The following STK11 variants were observed in gnomAD, a reference collection of about 807,000 sequenced individuals.
STK11 encodes the protein serine/threonine kinase 11, also known as serine/threonine-protein kinase STK11.
Under a neutral mutation model 47.3 loss-of-function variants are expected in STK11, and 8 were observed. That is an observed-to-expected ratio of 0.17 (90% CI 0.10 to 0.31). The LOEUF (loss-of-function observed/expected upper bound fraction) is 0.31. Among genes scored for constraint, STK11 ranks in the 10% least tolerant of loss-of-function variants. The pLI, the probability that STK11 is intolerant of heterozygous loss-of-function variation, is 1.00. For synonymous variants in STK11, 330 were observed against 255.8 expected (o/e 1.29, Z -2.77); for missense variants, 475 against 605.0 (o/e 0.79, Z 2.25).
chr19:1,221,448 AG>A (rs2080783864), intron 6 of STK11, 108 bp downstream of exon 6: 1 of 1,435,544 alleles, frequency 7.0e-7, no homozygotes, highest in Non-Finnish European at 9.2e-7. Flanking sequence ...AGACCCCAGC[AG>A]GCATTGAGAG....
intron 2 of STK11, among the ~76,000 whole-genome samples, chr19:1,219,041 AGGCACCATCCCCCG>A (rs944737162): frequency 1.3e-5 from 2 of 152,100 alleles, no homozygotes; most frequent in African/African-American, 4.8e-5. Flanking sequence ...GGCGTCCAGG[AGGCACCATCCCCCG>A]CCCATGGGCA....
Position 1,221,161 on chromosome 19 carries a change from G to T in STK11, c.735-52G>T, listed in dbSNP as rs568143257. The T allele has an allele frequency of 5.0e-6, 8 of 1,604,282 alleles. No individual in the cohort carries two copies. The African/African-American group carries it at 9.3e-5, about 19-fold the overall frequency. On this transcript the variant is annotated intron_variant, in intron 5 of 9. Coordinates refer to ENST00000326873, the MANE Select transcript of STK11 (RefSeq NM_000455.5). The stretch of plus-strand genomic sequence containing the variant: ...CTGGGGTAGAGCTGGGGCTCCTAGG[G>T]CGTCAACCACCTTGACTGACCACGC...
chr19:1,216,721 A>G (rs2080747097), intron 1 of STK11, among the ~76,000 whole-genome samples: 1 of 151,858 alleles, frequency 6.6e-6, no homozygotes, highest in Non-Finnish European at 1.5e-5. Flanking sequence ...TACAAAAATT[A>G]GCTGGGCATG....
rs368923696 is a variant in STK11, at chr19:1,218,511, C to A, written c.374+11C>A. ...AGAGAAGCAGAAAATATATCCTTTCCGGTGTTGGGACCGCGGGGCCTCCGT... is the reference window on the plus strand; with the variant it reads ...AGAGAAGCAGAAAATATATCCTTTCAGGTGTTGGGACCGCGGGGCCTCCGT... On this transcript the variant is annotated intron_variant, in intron 2 of 9. Transcript: ENST00000326873. The A allele has an allele frequency of 6.2e-7, 1 of 1,612,476 alleles. No individual in the cohort carries two copies.
At position 1,225,871 on chromosome 19, in the gene STK11, C is replaced by T. The variant is rs953727496; in HGVS notation, c.1109-583C>T. 4 of 987,378 alleles carry T rather than the reference C, an allele frequency of 4.1e-6. No homozygotes were observed. The African/African-American group carries it at 5.2e-5, about 13-fold the overall frequency. The allele number at this position is 987,378 out of a possible 1,614,324, so 61.2% of individuals were successfully genotyped here. ...ATTGTGAGAACAGTGTCCACCTGGG[C>T]AGGGTGGGCAGCCCCAGGCCTGTGG... On this transcript the variant is annotated intron_variant, in intron 8 of 9. Transcript: ENST00000326873.
intron 1 of STK11, among the ~76,000 whole-genome samples, chr19:1,217,091 A>G (rs542194845): frequency 1.3e-5 from 2 of 152,080 alleles, no homozygotes; most frequent in African/African-American, 4.8e-5. Flanking sequence ...ACTGTTCCTC[A>G]GGGTGTGTAC....
intron 3 of STK11, 23 bp downstream of exon 3, chr19:1,219,436 A>G (rs1479730548): frequency 5.8e-6 from 4 of 686,834 alleles, no homozygotes; most frequent in East Asian, 6.2e-5. Flanking sequence ...GGCAGGGGCC[A>G]GGGTGGGGCG....
intron 1 of STK11, chr19:1,216,121 G>T (rs570797422): frequency 6.5e-6 from 1 of 154,464 alleles, no homozygotes; most frequent in Admixed American, 6.5e-5. Flanking sequence ...TTTACATACT[G>T]TACAACTCAT....
Position 1,227,692 on chromosome 19 carries a change from C to G in STK11, c.*116C>G. 8.4e-6 allele frequency: 9 copies of G among 1,069,484 alleles called. No individual in the cohort carries two copies. The highest frequency in any genetic ancestry group is 9.1e-6 in the Non-Finnish European group (8 of 881,848). The allele number at this position is 1,069,484 out of a possible 1,614,324, so 66.2% of individuals were successfully genotyped here. On this transcript the variant is annotated 3_prime_UTR_variant, in exon 10 of 10. Coordinates refer to ENST00000326873, the MANE Select transcript of STK11 (RefSeq NM_000455.5). ...AGAGGTGGCCGCCATGCTTCTGTGC[C>G]GACCACGCCCCAGGACCTCCGGAGC...
intron 2 of STK11, among the ~76,000 whole-genome samples, chr19:1,218,703 CTG>C (rs2080760661): frequency 1.3e-5 from 2 of 152,194 alleles, no homozygotes; most frequent in African/African-American, 2.4e-5. Context: ...GCCCTGGCCC[CTG>C]TGTCTTGGGC....
rs924237120 is a variant in STK11 at position 1,210,730 on chromosome 19, C to T, written c.290+3527C>T. On this transcript the variant is annotated intron_variant, in intron 1 of 9. Coordinates refer to ENST00000326873, the MANE Select transcript of STK11 (RefSeq NM_000455.5). ...ATACAAAATTAGCTGAGTGTGGTGG[C>T]GCACGCCTGTAATCCCAGCTACTCT... Among the ~76,000 whole-genome samples the T allele has an allele frequency of 4.6e-5, 7 of 151,912 alleles. No individual in the cohort carries two copies. In the East Asian group the frequency reaches 7.8e-4, roughly 17 times the overall value.
In STK11 at chr19:1,206,634, C is replaced by G. The variant is rs893914050; in HGVS notation, c.-280C>G. 3.9e-6 allele frequency: 2 copies of G among 512,530 alleles called. No individual in the cohort carries two copies. Among genetic ancestry groups the G allele is most frequent in the Non-Finnish European group, 3.5e-6 (1 of 289,638 alleles). 31.7% of individuals were successfully genotyped at this position (512,530 alleles called of 1,614,324 possible). On this transcript the variant is annotated 5_prime_UTR_variant, in exon 1 of 10. Coordinates refer to ENST00000326873, the MANE Select transcript of STK11 (RefSeq NM_000455.5). ...CGGGCCGTCTCCCAGTTCTGAGGCCCGGGTCCCACTGGAACTCGCGTCTGA... is the reference window on the plus strand; with the variant it reads ...CGGGCCGTCTCCCAGTTCTGAGGCCGGGGTCCCACTGGAACTCGCGTCTGA...
intron 9 of STK11, 138 bp from the exon 10 acceptor site, chr19:1,227,455 C>T (rs1479568980): frequency 4.2e-6 from 4 of 950,536 alleles, no homozygotes; most frequent in South Asian, 5.0e-5. Flanking sequence ...GGGTGGCCTT[C>T]CCTGGCCTCC....
intron 7 of STK11, 60 bp from the exon 8 acceptor site, chr19:1,222,925 G>A (rs896749583): frequency 6.3e-5 from 93 of 1,483,410 alleles, no homozygotes; most frequent in Middle Eastern, 2.1e-4. Flanking sequence ...GAGCTGGGTC[G>A]GAAAACTGGA....
Position 1,206,811 on chromosome 19 carries a change from T to G in STK11, c.-103T>G. On this transcript the variant is annotated 5_prime_UTR_variant, in exon 1 of 10. Coordinates refer to ENST00000326873, the MANE Select transcript of STK11 (RefSeq NM_000455.5). ...GTTTTTGTTGCCTTTTTTTTTTCTT[T>G]TTTCTTTGTAAAATTTTGGAGAAGG... The G allele has an allele frequency of 7.1e-7, 1 of 1,405,846 alleles. No homozygotes were observed. The highest frequency in any genetic ancestry group is 9.4e-7 in the Non-Finnish European group (1 of 1,063,846). The allele number at this position is 1,405,846 out of a possible 1,614,324, so 87.1% of individuals were successfully genotyped here.
In STK11 at chr19:1,220,608, A is replaced by G. The variant is rs1555738373; in HGVS notation, c.625A>G (p.Thr209Ala). ...EALHPFAADD[T>A]CRTSQGSPAF... is the part of the protein sequence containing the mutation. Reference sequence around the variant, plus strand: ...ACTGCACCCGTTCGCGGCGGACGACACCTGCCGGACCAGCCAGGGCTCCCC... The same window carrying G: ...ACTGCACCCGTTCGCGGCGGACGACGCCTGCCGGACCAGCCAGGGCTCCCC... The change falls in exon 5 of 10, where the codon ACC (threonine) becomes GCC (alanine). Residue 209 changes from threonine (T) to alanine (A), a missense_variant. Around this residue, in one of 5 missense-constraint regions of STK11, gnomAD observed 130 missense variants for 239.7 expected, o/e 0.54. Transcript: ENST00000326873. 6.3e-7 allele frequency: 1 copy of G among 1,596,696 alleles called. No homozygotes were observed. Among genetic ancestry groups the G allele is most frequent in the Non-Finnish European group, 8.5e-7 (1 of 1,172,318 alleles).
At chr19:1,207,257 G>A (rs2080674426) in intron 1 of STK11, 54 bp downstream of exon 1, 2 of 1,540,912 alleles carry the variant, frequency 1.3e-6, no homozygotes, top group African/African-American at 1.4e-5. Context: ...CGGTGCTGAT[G>A]GTTCTGTCTT....
rs543621432 is a variant in STK11 at position 1,211,874 on chromosome 19, C to G, written c.290+4671C>G. 2.0e-5 allele frequency among the ~76,000 whole-genome samples: 3 copies of G among 152,340 alleles called. No homozygotes were observed. The South Asian group carries it at 6.2e-4, about 32-fold the overall frequency. On this transcript the variant is annotated intron_variant, in intron 1 of 9. Coordinates refer to ENST00000326873, the MANE Select transcript of STK11 (RefSeq NM_000455.5). ...AAGAGGATTTTCGCGAGCTGGGAGT[C>G]AGTCCTGGACTTTGTAGGTCTTTAC... is the stretch of plus-strand genomic sequence containing the variant.
In STK11 at chr19:1,219,767, A is replaced by G. The variant is rs543022125; in HGVS notation, c.464+354A>G. Among the ~76,000 whole-genome samples the G allele has an allele frequency of 7.1e-3, 1,080 of 152,008 alleles. 40 individuals carry two copies. In the East Asian group the frequency reaches 0.1, roughly 15 times the overall value. ...TCACCGTGTTAGCCAGGATGGTCTC[A>G]AACTCCTGACCTCGTGATCCGCCTG... On this transcript the variant is annotated intron_variant, in intron 3 of 9. Transcript: ENST00000326873.
Sources: gnomAD v4.1 joint callset for allele counts (sites outside exome capture counted in the v4.1 genomes callset) on GRCh38, gnomAD v4.1.1 for gene constraint, gnomAD v4.1.1 regional missense constraint, MANE v1.5 for transcripts, NCBI Gene and HGNC (gene_info 2026-07-23, HGNC 2026-07-21) for gene names.